Variants in ZNF124 observed in about 807,000 individuals in gnomAD.
The protein encoded by ZNF124 is zinc finger protein HZF-16.
ZNF124 carries 25 observed loss-of-function variants against 26.6 expected under a neutral mutation model. That is an observed-to-expected ratio of 0.94 (90% CI 0.68 to 1.31). The LOEUF is 1.31. ZNF124 is among the 40% of genes most tolerant of loss of function. The pLI, the probability that ZNF124 is intolerant of heterozygous loss-of-function variation, is 0.00. For missense variants in ZNF124, 444 were observed against 422.2 expected (o/e 1.05, Z -0.45); for synonymous variants, 129 against 133.3 (o/e 0.97, Z 0.22).
At chr1:247,128,652 CCTT>C (rs1431158668) in intron 3 of ZNF124, among the ~76,000 whole-genome samples, 9 of 151,152 alleles carry the variant, frequency 6.0e-5, no homozygotes, top group Non-Finnish European at 4.4e-5. Context: ...CGTTATCACT[CCTT>C]AGAGACAAAA....
rs1572082815 is a variant in ZNF124 at position 247,156,823 on chromosome 1, A to G, written c.799T>C (p.Cys267Arg). The change falls in exon 4 of 4, where the codon TGT becomes CGT. Residue 267 changes from cysteine to arginine, a missense_variant. Coordinates refer to ENST00000543802, the MANE Select transcript of ZNF124 (RefSeq NM_001297568.2). ...CTGGCGTATCTGAAGGCTTTCCCACATTGCTTACATGGATAGGGTTCTTCA... is the reference window on the plus strand; with the variant it reads ...CTGGCGTATCTGAAGGCTTTCCCACGTTGCTTACATGGATAGGGTTCTTCA... ...AGEEPYPCKQ[C>R]GKAFRYASSL... 1 of 1,614,120 alleles carries G rather than the reference A, an allele frequency of 6.2e-7. No homozygotes were observed. The highest frequency in any genetic ancestry group is 2.2e-5 in the East Asian group (1 of 44,874).
Position 247,136,836 on chromosome 1 carries a change from G to A in ZNF124, c.219-12965C>T, listed in dbSNP as rs1253722214. ...GTGGTGTGCACCTATAATCCTTGCT[G>A]CTGGGGAGGCTGAGGCAAGAGAATC... On this transcript the variant is annotated intron_variant, in intron 3 of 3. Transcript: ENST00000472531. 4.6e-5 allele frequency among the ~76,000 whole-genome samples: 7 copies of A among 151,834 alleles called. No individual in the cohort carries two copies. The East Asian group carries it at 1.4e-3, about 29-fold the overall frequency.
Position 247,157,145 on chromosome 1 carries a change from T to C in ZNF124, c.477A>G (p.Leu159=), listed in dbSNP as rs1558385943. The part of the protein sequence containing the change: ...PYECMECGKA[L]GFSRSLNRHK... The stretch of plus-strand genomic sequence containing the variant: ...GTCTATTAAGAGAACGGGAAAAACC[T>C]AAGGCTTTCCCACATTCCATACATT... The change falls in exon 4 of 4, where the codon TTA becomes TTG. Residue 159 remains leucine, a synonymous_variant. Coordinates refer to ENST00000543802, the MANE Select transcript of ZNF124 (RefSeq NM_001297568.2). 2 of 1,613,462 alleles carry C rather than the reference T, an allele frequency of 1.2e-6. No individual in the cohort carries two copies. The highest frequency in any genetic ancestry group is 2.7e-5 in the African/African-American group (2 of 74,798).
chr1:247,125,428 G>GTTTTTTTTTTTTTTTTTTTTTTTT (rs1672185674), intron 3 of ZNF124, among the ~76,000 whole-genome samples: 1 of 38,386 alleles, frequency 2.6e-5, no homozygotes, highest in Non-Finnish European at 5.7e-5. Flanking sequence ...ACCTGTTTTT[G>GTTTTTTTTTTTTTTTTTTTTTTTT]TCTTTTTTTT....
At chr1:247,135,674 T>C (rs891172254) in intron 3 of ZNF124, among the ~76,000 whole-genome samples, 3 of 152,122 alleles carry the variant, frequency 2.0e-5, no homozygotes, top group African/African-American at 7.2e-5. Flanking sequence ...CCCTAACTCG[T>C]TTTATAAGGC....
At chr1:247,143,547 T>C (rs1224421263) in intron 3 of ZNF124, among the ~76,000 whole-genome samples, 1 of 152,222 alleles carries the variant, frequency 6.6e-6, no homozygotes, top group Non-Finnish European at 1.5e-5. Context: ...TGGAAGTTTT[T>C]GACAGAAGCT....
At chr1:247,147,762 C>A (rs1373387407) in intron 3 of ZNF124, among the ~76,000 whole-genome samples, 3 of 152,262 alleles carry the variant, frequency 2.0e-5, no homozygotes, top group South Asian at 4.2e-4. Flanking sequence ...GTCTCCCACC[C>A]AGACTGGAAT....
downstream of ZNF124, among the ~76,000 whole-genome samples, chr1:247,153,087 T>C (rs577770473): frequency 7.3e-5 from 11 of 150,792 alleles, no homozygotes; most frequent in Admixed American, 3.3e-4. Flanking sequence ...AAGCTGAGAT[T>C]GCGCCACTGC....
chr1:247,168,860 G>T lies in ZNF124; in HGVS notation c.30+2988C>A, dbSNP rs964639033. 1.3e-5 allele frequency among the ~76,000 whole-genome samples: 2 copies of T among 152,098 alleles called. No individual in the cohort carries two copies. Among genetic ancestry groups the T allele is most frequent in the Non-Finnish European group, 2.9e-5 (2 of 68,032 alleles). ...TGGACCTTGGTGATTTGGGGGCAAG[G>T]GTGGGAGGGGGTGAGACTGCATATT... On this transcript the variant is annotated intron_variant, in intron 1 of 3. Transcript: ENST00000543802. The surrounding 1 kb of genome is among the most constrained non-coding windows in gnomAD (Gnocchi z 4.0).
rs114809996 is a variant in ZNF124 at position 247,163,619 on chromosome 1, G to A, written c.31-3806C>T. On this transcript the variant is annotated intron_variant, in intron 1 of 3. Transcript: ENST00000543802. ...AAATGGAATCCCTGAACAGAAAAAT[G>A]AGCTCTGAAATTTAATCAGTAATAA... Among the ~76,000 whole-genome samples the A allele has an allele frequency of 5.2e-3, 792 of 152,142 alleles. 11 individuals carry two copies. The highest frequency in any genetic ancestry group is 0.018 in the African/African-American group (759 of 41,532).
intron 1 of ZNF124, among the ~76,000 whole-genome samples, chr1:247,164,595 A>AAAAAAC (rs1553335766): frequency 6.6e-6 from 1 of 152,126 alleles, no homozygotes; most frequent in Non-Finnish European, 1.5e-5. Flanking sequence ...CTGGGAAAAA[A>AAAAAAC]AAAACAAAAC....
chr1:247,164,713 A>G (rs952379499), intron 1 of ZNF124, among the ~76,000 whole-genome samples: 2 of 152,210 alleles, frequency 1.3e-5, no homozygotes, highest in Non-Finnish European at 2.9e-5. Context: ...TTTAGATTCA[A>G]TGCTATTCCT....
chr1:247,132,261 G>C (rs972449556), intron 3 of ZNF124, among the ~76,000 whole-genome samples: 7 of 146,398 alleles, frequency 4.8e-5, no homozygotes, highest in Non-Finnish European at 6.0e-5. Flanking sequence ...AACAAAAAAG[G>C]CCCTCAGAAA....
rs1369806460 is a variant in ZNF124 at position 247,143,671 on chromosome 1, AG to A, written c.218+15334del. Among the ~76,000 whole-genome samples, 4 of 152,314 alleles carry A rather than the reference AG, an allele frequency of 2.6e-5. No homozygotes were observed. The East Asian group carries it at 7.7e-4, about 29-fold the overall frequency. On this transcript the variant is annotated intron_variant, in intron 3 of 3. Transcript: ENST00000472531. Reference sequence around the variant, plus strand: ...CTCTGAGCCAACAAGATTTAAAGTGAGAAGAGGAAAAAGGCAAGAGTCGGGC... The same window carrying A: ...CTCTGAGCCAACAAGATTTAAAGTGAAAGAGGAAAAAGGCAAGAGTCGGGC...
intron 3 of ZNF124, among the ~76,000 whole-genome samples, chr1:247,144,632 G>A (rs1384996316): frequency 6.6e-6 from 1 of 152,144 alleles, no homozygotes; most frequent in East Asian, 1.9e-4. Context: ...AAGGAGGACT[G>A]AGGGCTGTGT....
Position 247,160,364 on chromosome 1 carries a change from A to T in ZNF124, c.31-551T>A, listed in dbSNP as rs547011973. 1.4e-4 allele frequency among the ~76,000 whole-genome samples: 21 copies of T among 152,294 alleles called. No individual in the cohort carries two copies. In the East Asian group the frequency reaches 3.9e-3, roughly 28 times the overall value. On this transcript the variant is annotated intron_variant, in intron 1 of 3. Transcript: ENST00000543802. ...ACCCTTCTTGTTGGTGGGTCCAGGG[A>T]GTAATATTTGCTGTTATGATTTTTC...
Position 247,156,419 on chromosome 1 carries a change from G to A in ZNF124, c.*147C>T. ...TGAATGCTTTACCTTATTGCTTATAGTCATAGGGTTTATCTCCAGTTTGAT... is the reference window on the plus strand; with the variant it reads ...TGAATGCTTTACCTTATTGCTTATAATCATAGGGTTTATCTCCAGTTTGAT... On this transcript the variant is annotated 3_prime_UTR_variant, in exon 4 of 4. Transcript: ENST00000543802. The A allele has an allele frequency of 3.0e-6, 4 of 1,331,360 alleles. No homozygotes were observed. The highest frequency in any genetic ancestry group is 3.8e-6 in the Non-Finnish European group (4 of 1,042,830). The allele number at this position is 1,331,360 out of a possible 1,614,324, so 82.5% of individuals were successfully genotyped here. A position where few individuals can be genotyped will look rare whatever the true frequency, so the allele number is the denominator to read the frequency against.
intron 3 of ZNF124, among the ~76,000 whole-genome samples, chr1:247,136,661 A>T (rs902888267): frequency 2.0e-5 from 3 of 152,176 alleles, no homozygotes; most frequent in African/African-American, 7.2e-5. Flanking sequence ...TTTCATGTGA[A>T]ATTGGCCAGG....
intron 3 of ZNF124, among the ~76,000 whole-genome samples, chr1:247,146,664 A>T (rs1672787178): frequency 6.6e-6 from 1 of 151,662 alleles, no homozygotes; most frequent in Non-Finnish European, 1.5e-5. Flanking sequence ...ACTTAGCTTC[A>T]CTAAACCTTA....
Sources: allele counts gnomAD v4.1 joint callset (sites outside exome capture counted in the v4.1 genomes callset), GRCh38; gene constraint gnomAD v4.1.1; non-coding constraint Gnocchi (gnomAD v3.1); transcripts MANE v1.5; gene names NCBI Gene and HGNC (gene_info 2026-07-23, HGNC 2026-07-21).